Variants in CTNND2 observed in about 807,000 individuals in gnomAD.
The protein encoded by CTNND2 is catenin delta-2.
CTNND2 carries 22 observed loss-of-function variants against 144.4 expected under a neutral mutation model. That is an observed-to-expected ratio of 0.15 (90% CI 0.11 to 0.22). The LOEUF (loss-of-function observed/expected upper bound fraction) is 0.22. Among genes scored for constraint, CTNND2 ranks in the 10% least tolerant of loss-of-function variants. The pLI, the probability that CTNND2 is intolerant of heterozygous loss-of-function variation, is 1.00. For synonymous variants in CTNND2, 751 were observed against 695.6 expected (o/e 1.08, Z -1.25); for missense variants, 1,353 against 1,618.8 (o/e 0.84, Z 2.82).
At chr5:11,801,931 T>G (rs13160113) in intron 1 of CTNND2, among the ~76,000 whole-genome samples, 100,472 of 151,944 alleles carry the variant, frequency 0.66, 37,605 homozygotes, top group Middle Eastern at 0.85. Flanking sequence ...ACCCAGAAAA[T>G]GCGATACATT....
At chr5:11,741,574 C>T (rs779612906) in intron 1 of CTNND2, among the ~76,000 whole-genome samples, 10 of 150,746 alleles carry the variant, frequency 6.6e-5, no homozygotes, top group Admixed American at 6.0e-4. Flanking sequence ...TGTCAGGGGG[C>T]GTGGGGCTGG....
intron 1 of CTNND2, among the ~76,000 whole-genome samples, chr5:11,752,941 T>G (rs1457445248): frequency 6.6e-6 from 1 of 151,860 alleles, no homozygotes; most frequent in African/African-American, 2.4e-5. Context: ...TTTGTGGCTA[T>G]TGTGAATGGG....
chr5:11,535,737 T>C (rs1774150614), intron 3 of CTNND2, among the ~76,000 whole-genome samples: 1 of 152,172 alleles, frequency 6.6e-6, no homozygotes, highest in Non-Finnish European at 1.5e-5. Context: ...CGTAAATACA[T>C]AAAAGGGTTA....
intron 13 of CTNND2, 117 bp from the exon 14 acceptor site, chr5:11,111,160 C>T: frequency 1.8e-6 from 2 of 1,108,202 alleles, no homozygotes; most frequent in Non-Finnish European, 2.5e-6. Context: ...AAGTGTTTAG[C>T]TGCCAGCTTC....
intron 10 of CTNND2, among the ~76,000 whole-genome samples, chr5:11,227,304 T>C (rs1246946224): frequency 6.6e-6 from 1 of 152,220 alleles, no homozygotes; most frequent in Non-Finnish European, 1.5e-5. Flanking sequence ...CGCAGTTTCA[T>C]AGTCTGGGAG....
At chr5:11,695,268 C>T (rs11958258) in intron 2 of CTNND2, among the ~76,000 whole-genome samples, 11,626 of 152,144 alleles carry the variant, frequency 0.076, 1,493 homozygotes, top group African/African-American at 0.26. Context: ...GCTTATTGTT[C>T]AAGACAAGTA....
intron 3 of CTNND2, among the ~76,000 whole-genome samples, chr5:11,456,930 C>T (rs1251595211): frequency 4.6e-5 from 7 of 152,150 alleles, no homozygotes; most frequent in African/African-American, 1.7e-4. Context: ...TGATTTTTAT[C>T]ACCAGCAGCA....
intron 3 of CTNND2, among the ~76,000 whole-genome samples, chr5:11,494,696 G>T (rs866985142): frequency 6.6e-6 from 1 of 152,104 alleles, no homozygotes; most frequent in Non-Finnish European, 1.5e-5. Context: ...TTTCAGAAAA[G>T]AATAATTGAT....
At chr5:11,778,826 G>A (rs567396951) in intron 1 of CTNND2, among the ~76,000 whole-genome samples, 3 of 152,172 alleles carry the variant, frequency 2.0e-5, no homozygotes, top group Non-Finnish European at 4.4e-5. Flanking sequence ...TGTACCATGC[G>A]AATGCAAAAC....
chr5:11,443,375 CATGAGTGGGGG>C (rs1229822628), intron 3 of CTNND2, among the ~76,000 whole-genome samples: 4 of 28,988 alleles, frequency 1.4e-4, no homozygotes, highest in Non-Finnish European at 5.8e-5. Context: ...GGGGGTGTGG[CATGAGTGGGGG>C]GTGTGTGGTG....
intron 3 of CTNND2, among the ~76,000 whole-genome samples, chr5:11,515,151 G>A (rs554354508): frequency 1.3e-5 from 2 of 151,032 alleles, no homozygotes; most frequent in South Asian, 4.2e-4. Context: ...AATGGGAGGT[G>A]CTTTTCTCTG....
intron 3 of CTNND2, among the ~76,000 whole-genome samples, chr5:11,447,012 C>A (rs1366661711): frequency 6.6e-6 from 1 of 152,084 alleles, no homozygotes; most frequent in Non-Finnish European, 1.5e-5. Context: ...CACACACACA[C>A]ACATACATAT....
At chr5:11,251,121 G>A (rs1393529285) in intron 9 of CTNND2, among the ~76,000 whole-genome samples, 2 of 152,142 alleles carry the variant, frequency 1.3e-5, no homozygotes, top group Non-Finnish European at 2.9e-5. Flanking sequence ...TTTTTTATTT[G>A]TGAGAAGTGA....
At chr5:11,617,729 C>T (rs1273712289) in intron 2 of CTNND2, among the ~76,000 whole-genome samples, 1 of 152,144 alleles carries the variant, frequency 6.6e-6, no homozygotes, top group Non-Finnish European at 1.5e-5. Flanking sequence ...AATAAGGGCA[C>T]ACACTGGGTC....
chr5:11,648,256 A>G (rs1782466487), intron 2 of CTNND2, among the ~76,000 whole-genome samples: 1 of 151,558 alleles, frequency 6.6e-6, no homozygotes, highest in Non-Finnish European at 1.5e-5. Context: ...GATAAACTGA[A>G]CTCAATGGAA....
intron 1 of CTNND2, among the ~76,000 whole-genome samples, chr5:11,878,760 C>T: frequency 6.6e-6 from 1 of 152,152 alleles, no homozygotes; most frequent in East Asian, 1.9e-4. Flanking sequence ...CAGCCTCAAA[C>T]CTTCCCACAC....
chr5:11,573,617 G>A (rs929591818), intron 2 of CTNND2, among the ~76,000 whole-genome samples: 2 of 152,152 alleles, frequency 1.3e-5, no homozygotes, highest in African/African-American at 4.8e-5. Context: ...CACCTCATTG[G>A]TGAGTCAGAA....
intron 2 of CTNND2, among the ~76,000 whole-genome samples, chr5:11,565,509 A>G (rs562455801): frequency 3.4e-4 from 52 of 152,338 alleles, no homozygotes; most frequent in African/African-American, 1.1e-3. Flanking sequence ...TATAGTGTTT[A>G]CTGCTTTCTT....
intron 1 of CTNND2, among the ~76,000 whole-genome samples, chr5:11,852,863 G>A (rs780756766): frequency 6.6e-6 from 1 of 152,160 alleles, no homozygotes; most frequent in Non-Finnish European, 1.5e-5. Context: ...TTGATAATGG[G>A]TTTGCCCTTA....
Sources: allele counts gnomAD v4.1 joint callset (sites outside exome capture counted in the v4.1 genomes callset), GRCh38; gene constraint gnomAD v4.1.1; transcripts MANE v1.5; gene names NCBI Gene and HGNC (gene_info 2026-07-23, HGNC 2026-07-21).